Variants in TSHR observed in about 807,000 individuals in gnomAD.
TSHR encodes thyroid stimulating hormone receptor.
Under a neutral mutation model 64.1 loss-of-function variants are expected in TSHR, and 51 were observed. The observed-to-expected ratio is 0.80, with a 90% CI of 0.64 to 1.01. TSHR has a LOEUF of 1.01. Ranked by LOEUF, TSHR falls within the 50% of genes least tolerant of loss-of-function variation. The pLI, the probability that TSHR is intolerant of heterozygous loss-of-function variation, is 0.00. For synonymous variants in TSHR, 361 were observed against 361.9 expected (o/e 1.00, Z 0.03); for missense variants, 877 against 942.8 (o/e 0.93, Z 0.91).
rs113700440 is a variant in TSHR, at chr14:81,079,811, G to A, written c.318-8143G>A. Among the ~76,000 whole-genome samples, 316 of 150,442 alleles carry A rather than the reference G, an allele frequency of 2.1e-3. 1 individual carries two copies. Among genetic ancestry groups the A allele is most frequent in the African/African-American group, 7.1e-3 (291 of 40,886 alleles). On this transcript the variant is annotated intron_variant, in intron 3 of 9. Coordinates refer to ENST00000298171, the MANE Select transcript of TSHR (RefSeq NM_000369.5). ...GTTGAGGCTGTAGTGAGTCATGATC[G>A]TGCTACACACTCCAGCCTGGGCAAC... is the stretch of plus-strand genomic sequence containing the variant.
chr14:80,999,091 G>A (rs186027177), intron 1 of TSHR, among the ~76,000 whole-genome samples: 91 of 152,286 alleles, frequency 6.0e-4, no homozygotes, highest in Middle Eastern at 6.8e-3. Context: ...TATAATTTCC[G>A]TGGACTTACA....
intron 1 of TSHR, among the ~76,000 whole-genome samples, chr14:81,037,419 C>CAAAAAAAAAAAAAAAAAA (rs748986847): frequency 3.0e-5 from 3 of 99,148 alleles, no homozygotes; most frequent in Non-Finnish European, 4.6e-5. Context: ...AAAGGAAATA[C>CAAAAAAAAAAAAAAAAAA]AAAACAAACA....
chr14:81,041,241 T>C (rs1471928644), intron 1 of TSHR, among the ~76,000 whole-genome samples: 1 of 152,204 alleles, frequency 6.6e-6, no homozygotes, highest in Non-Finnish European at 1.5e-5. Context: ...GCAGCACTAT[T>C]CACAATACCA....
intron 8 of TSHR, among the ~76,000 whole-genome samples, chr14:81,116,898 A>G (rs1375219478): frequency 2.0e-5 from 3 of 146,806 alleles, no homozygotes; most frequent in African/African-American, 7.7e-5. Flanking sequence ...CCACTCAACT[A>G]CATGGAAACT....
At chr14:81,040,270 A>G (rs993596862) in intron 1 of TSHR, among the ~76,000 whole-genome samples, 19 of 152,008 alleles carry the variant, frequency 1.2e-4, no homozygotes, top group Non-Finnish European at 1.3e-4. Context: ...CACAAGCAGA[A>G]GAATGAAAGT....
At chr14:81,114,350 G>A (rs1333906107) in intron 8 of TSHR, among the ~76,000 whole-genome samples, 2 of 152,218 alleles carry the variant, frequency 1.3e-5, no homozygotes, top group African/African-American at 4.8e-5. Flanking sequence ...AGCAGGGCGA[G>A]GCATTGCCTC....
intron 1 of TSHR, chr14:81,033,248 A>G (rs768527009): frequency 8.4e-6 from 4 of 477,354 alleles, no homozygotes; most frequent in Non-Finnish European, 1.7e-5. Flanking sequence ...AGCATCCACT[A>G]CTTGGTACTA....
In TSHR at chr14:81,115,492, A is replaced by AAGAAATG. The variant is rs1255328348; in HGVS notation, c.692+7043_692+7049dup. 4.1e-4 allele frequency among the ~76,000 whole-genome samples: 60 copies of AAGAAATG among 146,188 alleles called. 2 individuals carry two copies. The highest frequency in any genetic ancestry group is 1.6e-3 in the African/African-American group (58 of 37,142). On this transcript the variant is annotated intron_variant, in intron 8 of 9. Coordinates refer to ENST00000298171, the MANE Select transcript of TSHR (RefSeq NM_000369.5). Reference sequence around the variant, plus strand: ...GGAAGTTTAGAGAAAAAAGAATGAAAAGAAATGAGCAAAGCCTCCAAGAAA... The same window carrying AAGAAATG: ...GGAAGTTTAGAGAAAAAAGAATGAAAAGAAATGAGAAATGAGCAAAGCCTCCAAGAAA...
chr14:80,973,381 G>C (rs1379785773), intron 1 of TSHR, among the ~76,000 whole-genome samples: 1 of 93,112 alleles, frequency 1.1e-5, no homozygotes. Flanking sequence ...ACTCACGCCC[G>C]GGTGACAGCG....
intron 1 of TSHR, among the ~76,000 whole-genome samples, chr14:81,045,608 C>T (rs1350389180): frequency 2.0e-5 from 3 of 152,256 alleles, no homozygotes; most frequent in African/African-American, 7.2e-5. Flanking sequence ...GTGTTCTCAT[C>T]ATTCAGCTCC....
At chr14:81,113,089 G>A (rs1595135454) in intron 8 of TSHR, among the ~76,000 whole-genome samples, 1 of 152,124 alleles carries the variant, frequency 6.6e-6, no homozygotes, top group Non-Finnish European at 1.5e-5. Context: ...CTGTTGTGTT[G>A]AAAATAAACT....
intron 8 of TSHR, among the ~76,000 whole-genome samples, chr14:81,121,732 G>A (rs1357223112): frequency 1.3e-5 from 2 of 151,974 alleles, no homozygotes; most frequent in Admixed American, 6.6e-5. Context: ...ACTTGAGGTC[G>A]GGAGTTTGAG....
chr14:80,996,513 A>T (rs1229176128), intron 1 of TSHR, among the ~76,000 whole-genome samples: 1 of 152,210 alleles, frequency 6.6e-6, no homozygotes, highest in African/African-American at 2.4e-5. Context: ...GAGCACAAAG[A>T]GACACACTGG....
chr14:80,967,335 C>T (rs973316130), intron 1 of TSHR, among the ~76,000 whole-genome samples: 10 of 140,954 alleles, frequency 7.1e-5, no homozygotes, highest in African/African-American at 2.6e-4. Flanking sequence ...GCCCAGGCTA[C>T]AGTGCAGTGG....
intron 1 of TSHR, among the ~76,000 whole-genome samples, chr14:81,016,108 C>T (rs914396808): frequency 6.6e-6 from 1 of 152,134 alleles, no homozygotes; most frequent in Non-Finnish European, 1.5e-5. Context: ...ATCTCTTTGA[C>T]ATACTGATTT....
Position 80,955,841 on chromosome 14 carries a change from C to G in TSHR, c.161C>G (p.Thr54Arg). ...CGCATCCCCAGCTTACCGCCCAGTA[C>G]GCAGACTCTGTGAGTACCCGGGAGA... Reference protein sequence around the residue: ...IQRIPSLPPSTQTLKLIETHL... With the variant: ...IQRIPSLPPSRQTLKLIETHL... The change falls in exon 1 of 10, where the codon ACG becomes AGG. Residue 54 changes from threonine (T) to arginine (R), a missense_variant. Transcript: ENST00000298171. 6.2e-7 allele frequency: 1 copy of G among 1,614,206 alleles called. No homozygotes were observed. The highest frequency in any genetic ancestry group is 8.5e-7 in the Non-Finnish European group (1 of 1,180,050).
intron 8 of TSHR, 48 bp downstream of exon 8, chr14:81,108,500 T>TTTTTTTTTTTTTTTC (rs777088787): frequency 9.9e-7 from 1 of 1,014,060 alleles, no homozygotes; most frequent in African/African-American, 2.3e-5. Flanking sequence ...TTTTCTTTTT[T>TTTTTTTTTTTTTTTC]TTTTTTTGGA....
At chr14:81,081,282 A>G (rs546636814) in intron 3 of TSHR, among the ~76,000 whole-genome samples, 57 of 152,222 alleles carry the variant, frequency 3.7e-4, no homozygotes, top group African/African-American at 1.2e-3. Context: ...ATGTATGTAT[A>G]TATATATACT....
chr14:81,017,964 G>A (rs1883513401), intron 1 of TSHR, among the ~76,000 whole-genome samples: 1 of 151,698 alleles, frequency 6.6e-6, no homozygotes, highest in Admixed American at 6.6e-5. Flanking sequence ...TGAGTAGCTG[G>A]GATTACAGGT....
Sources: gnomAD v4.1 joint callset for allele counts (sites outside exome capture counted in the v4.1 genomes callset) on GRCh38, gnomAD v4.1.1 for gene constraint, MANE v1.5 for transcripts, NCBI Gene and HGNC (gene_info 2026-07-23, HGNC 2026-07-21) for gene names.